The following ADAMTS19 variants were observed in gnomAD, a reference collection of about 807,000 sequenced individuals.
ADAMTS19 encodes the protein ADAM metallopeptidase with thrombospondin type 1 motif 19, also known as A disintegrin and metalloproteinase with thrombospondin motifs 19.
In ADAMTS19, 93 loss-of-function variants were observed where a neutral mutation model predicts 153.3. The ratio of observed to expected loss-of-function variants is 0.61; its 90% confidence interval spans 0.51 to 0.72. The LOEUF (loss-of-function observed/expected upper bound fraction) is 0.72, where lower values mean the gene tolerates loss of function less well. Ranked by LOEUF, ADAMTS19 falls within the 30% of genes least tolerant of loss-of-function variation. The probability of loss-of-function intolerance (pLI) is 0.00; values close to 1 mark genes in which losing one functional copy is unlikely to be tolerated. For missense variants in ADAMTS19, 1,482 were observed against 1,552.1 expected, an observed-to-expected ratio of 0.95 and a Z score of 0.76; for synonymous variants, 600 against 556.6, an observed-to-expected ratio of 1.08 and a Z score of -1.10.
At chr5:129,607,346 G>T (rs1323458266) in intron 8 of ADAMTS19, among the ~76,000 whole-genome samples, 9 of 152,144 alleles carry the variant, frequency 5.9e-5, no homozygotes, top group Admixed American at 2.0e-4. Context: ...AGCAATCTCT[G>T]TGAAAATATG....
At chr5:129,702,867 AC>A (rs945059039) in intron 20 of ADAMTS19, among the ~76,000 whole-genome samples, 2 of 146,150 alleles carry the variant, frequency 1.4e-5, no homozygotes, top group African/African-American at 5.1e-5. Context: ...AATTGAAAAA[AC>A]GTCTATTGTT....
chr5:129,526,255 G>A (rs1189383282), intron 3 of ADAMTS19, 29 bp from the exon 4 acceptor site: 2 of 1,527,018 alleles, frequency 1.3e-6, no homozygotes, highest in East Asian at 2.4e-5. Flanking sequence ...ATATGAAGGT[G>A]CATTGAAAAA....
At chr5:129,602,650 A>G (rs1750716703) in intron 8 of ADAMTS19, among the ~76,000 whole-genome samples, 1 of 152,072 alleles carries the variant, frequency 6.6e-6, no homozygotes, top group Non-Finnish European at 1.5e-5. Flanking sequence ...TATTGTAAAG[A>G]TTTTCCTAGT....
At chr5:129,492,262 AG>A (rs1750792288) in intron 2 of ADAMTS19, among the ~76,000 whole-genome samples, 1 of 152,132 alleles carries the variant, frequency 6.6e-6, no homozygotes, top group African/African-American at 2.4e-5. Flanking sequence ...AACAGTATCA[AG>A]GGGAGGGTAC....
chr5:129,534,023 T>A (rs1752314032), intron 6 of ADAMTS19, among the ~76,000 whole-genome samples: 1 of 152,168 alleles, frequency 6.6e-6, no homozygotes, highest in East Asian at 1.9e-4. Flanking sequence ...CAATTTGTGG[T>A]CAATTTTGGA....
intron 4 of ADAMTS19, 151 bp downstream of exon 4, chr5:129,526,607 T>C: frequency 4.4e-6 from 3 of 685,872 alleles, no homozygotes; most frequent in South Asian, 3.0e-5. Context: ...GTATATAAAA[T>C]TGATCCATCT....
At chr5:129,532,668 A>G (rs1260764155) in intron 6 of ADAMTS19, among the ~76,000 whole-genome samples, 2 of 152,184 alleles carry the variant, frequency 1.3e-5, no homozygotes, top group Non-Finnish European at 2.9e-5. Context: ...ATTTTTTTTC[A>G]TAATTTTTCA....
At chr5:129,502,680 A>C (rs1045832475) in intron 2 of ADAMTS19, among the ~76,000 whole-genome samples, 6 of 152,202 alleles carry the variant, frequency 3.9e-5, no homozygotes, top group Non-Finnish European at 8.8e-5. Flanking sequence ...GAAGAAATAA[A>C]ATTCTAATTT....
intron 14 of ADAMTS19, among the ~76,000 whole-genome samples, chr5:129,658,367 A>AAGAAAGAG (rs1403318149): frequency 4.6e-4 from 59 of 128,072 alleles, no homozygotes; most frequent in Non-Finnish European, 5.0e-4. Context: ...GAAAGAAAGA[A>AAGAAAGAG]AGAGAGAGAG....
chr5:129,619,559 G>T (rs904351909), intron 8 of ADAMTS19, among the ~76,000 whole-genome samples: 1 of 152,124 alleles, frequency 6.6e-6, no homozygotes, highest in Middle Eastern at 3.4e-3. Flanking sequence ...GCTGGAAATT[G>T]TCTTATGGAT....
chr5:129,543,428 A>G (rs1402513898), intron 6 of ADAMTS19, among the ~76,000 whole-genome samples: 1 of 152,112 alleles, frequency 6.6e-6, no homozygotes, highest in Non-Finnish European at 1.5e-5. Flanking sequence ...ATTTGTACAA[A>G]CTGATAAAAA....
At position 129,461,106 on chromosome 5, in the gene ADAMTS19, G is replaced by A; in HGVS notation, c.96G>A (p.Leu32=). ...TTCTGTCTGCCCCGCCCGCAGAGCT[G>A]CAGTTCGCCCCCGACCGCGAGGAGT... ...GFLSNGIVSE[L]QFAPDREEWE... is the part of the protein sequence containing the mutation. The change falls in exon 2 of 23, where the codon CTG becomes CTA. Residue 32 remains leucine (L), a synonymous_variant. Coordinates refer to ENST00000274487, the MANE Select transcript of ADAMTS19 (RefSeq NM_133638.6). This position sits in a 1 kb window ranked among gnomAD's most constrained non-coding sequence, Gnocchi z 4.6. 7.1e-7 allele frequency: 1 copy of A among 1,412,326 alleles called. No homozygotes were observed. Among genetic ancestry groups the A allele is most frequent in the Non-Finnish European group, 9.2e-7 (1 of 1,082,852 alleles). 87.5% of individuals were successfully genotyped at this position (1,412,326 alleles called of 1,614,324 possible). A position where few individuals can be genotyped will look rare whatever the true frequency, so the allele number is the denominator to read the frequency against.
chr5:129,519,777 T>A (rs1388503034), intron 3 of ADAMTS19, among the ~76,000 whole-genome samples: 1 of 152,160 alleles, frequency 6.6e-6, no homozygotes, highest in Non-Finnish European at 1.5e-5. Context: ...ATTTATATAT[T>A]GCTTGGATTA....
chr5:129,545,406 C>T (rs1376790041), intron 6 of ADAMTS19, among the ~76,000 whole-genome samples: 2 of 152,218 alleles, frequency 1.3e-5, no homozygotes, highest in African/African-American at 4.8e-5. Flanking sequence ...ACAAAGGTGC[C>T]TGAGCACTAC....
intron 3 of ADAMTS19, among the ~76,000 whole-genome samples, chr5:129,514,817 C>T (rs1223374904): frequency 2.6e-5 from 4 of 151,870 alleles, no homozygotes; most frequent in Admixed American, 6.6e-5. Flanking sequence ...TCATTTTTTG[C>T]TTTAGATGCC....
At position 129,647,876 on chromosome 5, in the gene ADAMTS19, C is replaced by T. The variant is rs772148624; in HGVS notation, c.1984C>T (p.Arg662Ter). The T allele has an allele frequency of 5.0e-6, 8 of 1,613,302 alleles. No individual in the cohort carries two copies. The highest frequency in any genetic ancestry group is 2.2e-5 in the East Asian group (1 of 44,854). ...AACCTGCAGTGCTGGGATCAGCAGTCGAGAGCGCAAATGTCCTGGGTAAAC... is the reference window on the plus strand; with the variant it reads ...AACCTGCAGTGCTGGGATCAGCAGTTGAGAGCGCAAATGTCCTGGGTAAAC... ...SRTCSAGISS[R>*]ERKCPGLDSE... is the part of the protein sequence containing the mutation. Residue 662 changes from arginine to a stop codon, truncating the protein, a stop_gained, in exon 12 of 23, where the codon CGA (arginine) becomes TGA (stop). Transcript: ENST00000274487. LOFTEE classifies it high-confidence loss of function.
chr5:129,665,400 C>T, intron 15 of ADAMTS19, 99 bp from the exon 16 acceptor site: 1 of 962,648 alleles, frequency 1.0e-6, no homozygotes, highest in East Asian at 2.8e-5. Flanking sequence ...AATATCATAG[C>T]AATAACCAAA....
intron 10 of ADAMTS19, among the ~76,000 whole-genome samples, chr5:129,641,268 C>A (rs1034807290): frequency 1.3e-5 from 2 of 152,256 alleles, no homozygotes; most frequent in South Asian, 2.1e-4. Context: ...TTCCCTTTAA[C>A]ATTTCCGTAG....
intron 16 of ADAMTS19, among the ~76,000 whole-genome samples, chr5:129,673,034 A>G (rs1754379557): frequency 6.6e-6 from 1 of 151,896 alleles, no homozygotes; most frequent in Non-Finnish European, 1.5e-5. Context: ...TATAAGAATA[A>G]TATTTTGTCT....
Sources: gnomAD v4.1 joint callset for allele counts (sites outside exome capture counted in the v4.1 genomes callset) on GRCh38, gnomAD v4.1.1 for gene constraint, Gnocchi (gnomAD v3.1) non-coding constraint, MANE v1.5 for transcripts, NCBI Gene and HGNC (gene_info 2026-07-23, HGNC 2026-07-21) for gene names.